The following IL17RD variants were observed in gnomAD, a reference collection of about 807,000 sequenced individuals.
IL17RD encodes the protein interleukin-17 receptor D.
Under a neutral mutation model 80.5 loss-of-function variants are expected in IL17RD, and 52 were observed. That is an observed-to-expected ratio of 0.65 (90% CI 0.52 to 0.81). IL17RD has a LOEUF of 0.81. Ranked by LOEUF, IL17RD falls within the 40% of genes least tolerant of loss-of-function variation. The pLI, the probability that IL17RD is intolerant of heterozygous loss-of-function variation, is 0.00. For synonymous variants in IL17RD, 416 were observed against 391.8 expected (o/e 1.06, Z -0.73); for missense variants, 1,024 against 955.1 (o/e 1.07, Z -0.95).
At chr3:57,159,581 T>A (rs571211993) in intron 1 of IL17RD, among the ~76,000 whole-genome samples, 1 of 152,242 alleles carries the variant, frequency 6.6e-6, no homozygotes, top group South Asian at 2.1e-4. Flanking sequence ...GGACAATGCC[T>A]CCCACTGGCT....
rs1343307927 is a variant in IL17RD at position 57,114,665 on chromosome 3, C to T, written c.310+27G>A. The T allele has an allele frequency of 1.9e-6, 3 of 1,583,760 alleles. No individual in the cohort carries two copies. The Middle Eastern group carries it at 5.1e-4, about 267-fold the overall frequency. On this transcript the variant is annotated intron_variant, in intron 3 of 12. Transcript: ENST00000296318. ...TGGGCCCTATCCACCCAGGTTATCA[C>T]CATGCACTCGATTTTTGACCACTCA...
intron 5 of IL17RD, among the ~76,000 whole-genome samples, chr3:57,108,456 G>A (rs1707014096): frequency 7.0e-6 from 1 of 142,966 alleles, no homozygotes; most frequent in Non-Finnish European, 1.5e-5. Flanking sequence ...ACAGGCATGA[G>A]CCACCGAGCC....
chr3:57,103,608 T>C (rs776251960), intron 8 of IL17RD, among the ~76,000 whole-genome samples: 2 of 152,248 alleles, frequency 1.3e-5, no homozygotes, highest in African/African-American at 2.4e-5. Flanking sequence ...GGTGGCACTA[T>C]GGACAAATTG....
chr3:57,155,507 G>A (rs1035698658), intron 1 of IL17RD, among the ~76,000 whole-genome samples: 1 of 152,338 alleles, frequency 6.6e-6, no homozygotes, highest in African/African-American at 2.4e-5. Context: ...ACTGTGGTGT[G>A]AATGAATAAA....
intron 2 of IL17RD, 77 bp from the exon 3 acceptor site, chr3:57,114,894 C>G (rs1012386933): frequency 8.0e-7 from 1 of 1,253,792 alleles, no homozygotes; most frequent in Non-Finnish European, 1.1e-6. Flanking sequence ...TCAAAATAAA[C>G]AGGGCATGTC....
chr3:57,120,368 A>C (rs1707307777), intron 1 of IL17RD, 55 bp from the exon 2 acceptor site: 1 of 1,320,600 alleles, frequency 7.6e-7, no homozygotes, highest in East Asian at 2.3e-5. Context: ...CTCTTCCAAC[A>C]CAAAGCCCCA....
intron 1 of IL17RD, among the ~76,000 whole-genome samples, chr3:57,146,431 C>T (rs550724837): frequency 6.6e-6 from 1 of 152,186 alleles, no homozygotes; most frequent in South Asian, 2.1e-4. Context: ...GTATAAGCTA[C>T]CACCAAAATA....
At chr3:57,143,171 A>G (rs1319573679) in intron 1 of IL17RD, among the ~76,000 whole-genome samples, 3 of 152,228 alleles carry the variant, frequency 2.0e-5, no homozygotes, top group Non-Finnish European at 2.9e-5. Flanking sequence ...GGAAAACGGT[A>G]TGTCAAAAAT....
intron 5 of IL17RD, among the ~76,000 whole-genome samples, chr3:57,108,058 C>CTT (rs112695935): frequency 1.4e-5 from 2 of 146,766 alleles, no homozygotes; most frequent in Non-Finnish European, 3.0e-5. Flanking sequence ...CTTTTTATTC[C>CTT]TTTTTTTTTT....
rs1706863315 is a variant in IL17RD at position 57,102,671 on chromosome 3, T to A, written c.869-82A>T. Reference sequence around the variant, plus strand: ...AAACAACTTTTTTTCTTTTTAAACATAAGCCGCATAACAGGTTCTAGGACC... The same window carrying A: ...AAACAACTTTTTTTCTTTTTAAACAAAAGCCGCATAACAGGTTCTAGGACC... On this transcript the variant is annotated intron_variant, in intron 9 of 12. Coordinates refer to ENST00000296318, the MANE Select transcript of IL17RD (RefSeq NM_017563.5). 4 of 607,938 alleles carry A rather than the reference T, an allele frequency of 6.6e-6. No homozygotes were observed. In the African/African-American group the frequency reaches 7.3e-5, roughly 11 times the overall value. The allele number at this position is 607,938 out of a possible 1,614,324, so 37.7% of individuals were successfully genotyped here. A position where few individuals can be genotyped will look rare whatever the true frequency, so the allele number is the denominator to read the frequency against.
At chr3:57,148,811 G>A (rs897675012) in intron 1 of IL17RD, among the ~76,000 whole-genome samples, 1 of 152,182 alleles carries the variant, frequency 6.6e-6, no homozygotes, top group African/African-American at 2.4e-5. Context: ...GGAGGCAGGT[G>A]GGCCCAGTGA....
chr3:57,118,710 A>G (rs953246578), intron 2 of IL17RD, among the ~76,000 whole-genome samples: 8 of 152,322 alleles, frequency 5.3e-5, no homozygotes, highest in Non-Finnish European at 1.0e-4. Flanking sequence ...TGGTGCTTGC[A>G]TTCCAACTCC....
rs1559477294 is a variant in IL17RD at position 57,127,373 on chromosome 3, T to TAA, written c.127-7061_127-7060insTT. Among the ~76,000 whole-genome samples the TAA allele has an allele frequency of 6.3e-4, 60 of 95,212 alleles. 5 individuals are homozygous for TAA. Among genetic ancestry groups the TAA allele is most frequent in the African/African-American group, 3.3e-3 (54 of 16,270 alleles). 62.5% of individuals were successfully genotyped at this position (95,212 alleles called of 152,430 possible). Reference sequence around the variant, plus strand: ...AAATATATATAAATATAAATATATATATATAAATAAATAAATAAATAAATA... The same window carrying TAA: ...AAATATATATAAATATAAATATATATAAATATAAATAAATAAATAAATAAATA... On this transcript the variant is annotated intron_variant, in intron 1 of 12. Transcript: ENST00000296318.
At position 57,092,568 on chromosome 3, in the gene IL17RD, A is replaced by T. The variant is rs1429323822; in HGVS notation, c.*3825T>A. ...CACGCCACTGCACTCCAGCCTGGGC[A>T]ACAGAGCAAGACTCCATCTCAAAAA... On this transcript the variant is annotated 3_prime_UTR_variant, in exon 13 of 13. Transcript: ENST00000296318. 2.0e-5 allele frequency: 3 copies of T among 150,166 alleles called. No homozygotes were observed. The highest frequency in any genetic ancestry group is 6.7e-5 in the Admixed American group (1 of 15,018). The allele number at this position is 150,166 out of a possible 1,614,324, so 9.3% of individuals were successfully genotyped here. A position where few individuals can be genotyped will look rare whatever the true frequency, so the allele number is the denominator to read the frequency against.
intron 1 of IL17RD, among the ~76,000 whole-genome samples, chr3:57,125,543 C>T (rs1707442127): frequency 6.6e-6 from 1 of 152,192 alleles, no homozygotes; most frequent in Non-Finnish European, 1.5e-5. Context: ...AAGAAGGTTA[C>T]TGCCTCAATA....
At position 57,103,634 on chromosome 3, in the gene IL17RD, A is replaced by G. The variant is rs1251125452; in HGVS notation, c.814-489T>C. Reference sequence around the variant, plus strand: ...GGACAAATTGTTAATTTCCTTTTCTATTTTCCTTATACTCTTATTATTTGT... The same window carrying G: ...GGACAAATTGTTAATTTCCTTTTCTGTTTTCCTTATACTCTTATTATTTGT... On this transcript the variant is annotated intron_variant, in intron 8 of 12. Coordinates refer to ENST00000296318, the MANE Select transcript of IL17RD (RefSeq NM_017563.5). Among the ~76,000 whole-genome samples the G allele has an allele frequency of 2.0e-5, 3 of 152,014 alleles. 1 individual carries two copies. The highest frequency in any genetic ancestry group is 2.0e-4 in the Admixed American group (3 of 15,270).
chr3:57,168,974 T>C (rs1274548667), upstream of IL17RD, among the ~76,000 whole-genome samples: 1 of 152,210 alleles, frequency 6.6e-6, no homozygotes, highest in Non-Finnish European at 1.5e-5. Context: ...CACCTCGGAC[T>C]TCCAAAATGC....
In IL17RD at chr3:57,105,928, C is replaced by T. The variant is rs577890523; in HGVS notation, c.676G>A (p.Gly226Ser). 2.5e-5 allele frequency: 40 copies of T among 1,613,786 alleles called. No homozygotes were observed. The highest frequency in any genetic ancestry group is 2.3e-4 in the Admixed American group (14 of 60,002). ...TAGTGAAGATAGAAGAAACGGAAGC[C>T]GAAGTTGTGCGGTGCATGGTCGAAG... ...VSFDHAPHNFGFRFFYLHYKL... is the reference protein window; with the variant it reads ...VSFDHAPHNFSFRFFYLHYKL... Residue 226 changes from glycine to serine, a missense_variant, in exon 7 of 13, where the codon GGC becomes AGC. By Grantham distance (56) the Gly-to-Ser change is moderately conservative. Coordinates refer to ENST00000296318, the MANE Select transcript of IL17RD (RefSeq NM_017563.5).
chr3:57,124,366 T>G (rs1255844456), intron 1 of IL17RD, among the ~76,000 whole-genome samples: 1 of 152,148 alleles, frequency 6.6e-6, no homozygotes, highest in East Asian at 1.9e-4. Context: ...TCAAGTATCC[T>G]GAGATGGGGA....
Sources: gnomAD v4.1 joint callset for allele counts (sites outside exome capture counted in the v4.1 genomes callset) on GRCh38, gnomAD v4.1.1 for gene constraint, MANE v1.5 for transcripts, NCBI Gene and HGNC (gene_info 2026-07-23, HGNC 2026-07-21) for gene names.